CPAMD8: variants seen among roughly 807,000 people sequenced by gnomAD.
The protein encoded by CPAMD8 is C3 and PZP like alpha-2-macroglobulin domain containing 8.
A neutral mutation model predicts 224.7 loss-of-function variants in CPAMD8; 146 were observed. That is an observed-to-expected ratio of 0.65 (90% CI 0.57 to 0.75). CPAMD8 has a LOEUF of 0.75. CPAMD8 is among the 30% of genes least tolerant of loss of function. CPAMD8 has a pLI of 0.00. For synonymous variants in CPAMD8, 966 were observed against 1,044.6 expected (o/e 0.92, Z 1.45); for missense variants, 2,301 against 2,537.5 (o/e 0.91, Z 2.00).
At chr19:17,013,041 TGTG>T (rs1169145932) in intron 3 of CPAMD8, among the ~76,000 whole-genome samples, 3 of 151,250 alleles carry the variant, frequency 2.0e-5, no homozygotes, top group Non-Finnish European at 2.9e-5. Context: ...ATTAGCCAGC[TGTG>T]GTGGTGGGCA....
At chr19:16,922,250 C>T (rs1308723951) in intron 26 of CPAMD8, among the ~76,000 whole-genome samples, 8 of 151,822 alleles carry the variant, frequency 5.3e-5, no homozygotes, top group African/African-American at 1.9e-4. Flanking sequence ...AACTGCTCCA[C>T]ACCACATCTG....
intron 3 of CPAMD8, among the ~76,000 whole-genome samples, chr19:17,016,968 G>C (rs965086191): frequency 1.3e-5 from 2 of 151,588 alleles, no homozygotes; most frequent in Non-Finnish European, 2.9e-5. Context: ...CTGGGCCACA[G>C]ACTGGTACCA....
intron 29 of CPAMD8, among the ~76,000 whole-genome samples, chr19:16,908,378 A>T (rs2052604218): frequency 6.9e-6 from 1 of 144,464 alleles, no homozygotes; most frequent in Non-Finnish European, 1.6e-5. Context: ...AAAAAAAAAT[A>T]ATAGAAATAA....
chr19:16,975,636 A>T (rs2122700671), intron 16 of CPAMD8, among the ~76,000 whole-genome samples: 1 of 152,116 alleles, frequency 6.6e-6, no homozygotes. Flanking sequence ...TAAGCCCAGG[A>T]GGTGTTCGCT....
At chr19:16,985,802 G>A (rs890233264) in intron 13 of CPAMD8, among the ~76,000 whole-genome samples, 9 of 151,158 alleles carry the variant, frequency 6.0e-5, no homozygotes, top group African/African-American at 1.7e-4. Flanking sequence ...ATGGATGGAG[G>A]GATGAAGAGA....
chr19:16,937,263 T>C (rs1381249366), intron 23 of CPAMD8, among the ~76,000 whole-genome samples: 4 of 152,018 alleles, frequency 2.6e-5, no homozygotes, highest in Admixed American at 2.0e-4. Flanking sequence ...ACCTCCCAAG[T>C]AGCTGGGACT....
chr19:16,900,266 C>T (rs969870571), intron 36 of CPAMD8, among the ~76,000 whole-genome samples: 2 of 152,072 alleles, frequency 1.3e-5, no homozygotes, highest in Admixed American at 6.6e-5. Context: ...GGCCAAAGCA[C>T]ATGGAACTTT....
chr19:17,011,118 C>T (rs2056634992), intron 5 of CPAMD8, among the ~76,000 whole-genome samples: 1 of 152,086 alleles, frequency 6.6e-6, no homozygotes, highest in Non-Finnish European at 1.5e-5. Context: ...CACTTAGAAC[C>T]CAGGAAGCAG....
intron 13 of CPAMD8, among the ~76,000 whole-genome samples, chr19:16,982,793 T>C (rs2055561569): frequency 6.6e-6 from 1 of 152,140 alleles, no homozygotes; most frequent in Admixed American, 6.6e-5. Context: ...AAGCCATGAC[T>C]GTGCCACCAC....
At chr19:16,921,494 C>T (rs1364961545) in intron 27 of CPAMD8, among the ~76,000 whole-genome samples, 1 of 152,110 alleles carries the variant, frequency 6.6e-6, no homozygotes, top group African/African-American at 2.4e-5. Context: ...AGATCCCAGG[C>T]TGCTCCTGCA....
At position 16,893,048 on chromosome 19, in the gene CPAMD8, G is replaced by A; in HGVS notation, c.*60C>T. On this transcript the variant is annotated 3_prime_UTR_variant, in exon 42 of 42. Transcript: ENST00000443236. ...TTAACCACAGGCACAAGCTGGGTGTGTGGGTATGAATGGTCCCCAGGACCA... is the reference window on the plus strand; with the variant it reads ...TTAACCACAGGCACAAGCTGGGTGTATGGGTATGAATGGTCCCCAGGACCA... 1.2e-6 allele frequency: 1 copy of A among 803,392 alleles called. No homozygotes were observed. Among genetic ancestry groups the A allele is most frequent in the Non-Finnish European group, 2.3e-6 (1 of 440,956 alleles). The allele number at this position is 803,392 out of a possible 1,614,324, so 49.8% of individuals were successfully genotyped here.
intron 18 of CPAMD8, among the ~76,000 whole-genome samples, chr19:16,967,331 G>A (rs974796574): frequency 1.5e-5 from 2 of 134,074 alleles, no homozygotes; most frequent in African/African-American, 2.9e-5. Context: ...ACACTCTGGG[G>A]CCTGTCGGGG....
intron 3 of CPAMD8, among the ~76,000 whole-genome samples, chr19:17,014,877 G>A (rs2056769889): frequency 6.6e-6 from 1 of 152,190 alleles, no homozygotes; most frequent in South Asian, 2.1e-4. Context: ...AGCCATCCCT[G>A]GGCACCCAGC....
intron 26 of CPAMD8, among the ~76,000 whole-genome samples, chr19:16,924,261 G>C (rs765285167): frequency 1.9e-4 from 29 of 151,732 alleles, no homozygotes; most frequent in Non-Finnish European, 3.7e-4. Flanking sequence ...GTGGGTTTGG[G>C]GGGAAGATGG....
intron 18 of CPAMD8, among the ~76,000 whole-genome samples, chr19:16,961,441 A>G (rs903497703): frequency 3.3e-5 from 5 of 152,258 alleles, no homozygotes; most frequent in African/African-American, 1.2e-4. Flanking sequence ...TCGAACTGCG[A>G]CGTGGCAGCC....
intron 32 of CPAMD8, 132 bp from the exon 33 acceptor site, chr19:16,903,989 C>A: frequency 2.1e-6 from 2 of 963,704 alleles, no homozygotes; most frequent in South Asian, 1.6e-5. Context: ...CCAGTGCAGA[C>A]ACCCATGGCA....
chr19:17,024,268 T>C (rs529831455), intron 1 of CPAMD8, among the ~76,000 whole-genome samples: 1 of 152,318 alleles, frequency 6.6e-6, no homozygotes, highest in African/African-American at 2.4e-5. Flanking sequence ...GTGTGCTACA[T>C]CTGCCTTGAA....
At chr19:17,002,188 C>A in intron 9 of CPAMD8, 78 bp downstream of exon 9, 2 of 964,806 alleles carry the variant, frequency 2.1e-6, no homozygotes, top group Non-Finnish European at 3.2e-6. Context: ...AGGAGGGGAA[C>A]GACCTTGAGG....
Position 16,979,512 on chromosome 19 carries a change from A to G in CPAMD8, c.1585+985T>C, listed in dbSNP as rs543991100. ...CTTCTGTCCATCCATCTTTTGGTCC[A>G]TCCATCCATCCATCCATCTCTCTGT... On this transcript the variant is annotated intron_variant, in intron 14 of 41. Transcript: ENST00000443236. Among the ~76,000 whole-genome samples, 14 of 147,938 alleles carry G rather than the reference A, an allele frequency of 9.5e-5. No individual in the cohort carries two copies. In the South Asian group the frequency reaches 1.1e-3, roughly 11 times the overall value.
Sources: gnomAD v4.1 joint callset for allele counts (sites outside exome capture counted in the v4.1 genomes callset) on GRCh38, gnomAD v4.1.1 for gene constraint, MANE v1.5 for transcripts, NCBI Gene and HGNC (gene_info 2026-07-23, HGNC 2026-07-21) for gene names.